The following BZW2 variants were observed in gnomAD, a reference collection of about 807,000 sequenced individuals.
The protein encoded by BZW2 is eIF5-mimic protein 1.
In BZW2, 23 loss-of-function variants were observed where a neutral mutation model predicts 53.2. That is an observed-to-expected ratio of 0.43 (90% confidence interval 0.31 to 0.61). The LOEUF is 0.61. BZW2 is among the 20% of genes least tolerant of loss of function. The probability of loss-of-function intolerance (pLI) is 0.09; values close to 1 mark genes in which losing one functional copy is unlikely to be tolerated. For synonymous variants in BZW2, 227 were observed against 186.4 expected, an observed-to-expected ratio of 1.22 and a Z score of -1.77; for missense variants, 409 against 503.1, an observed-to-expected ratio of 0.81 and a Z score of 1.79.
chr7:16,647,689 A>G (rs1781901434), intron 1 of BZW2, among the ~76,000 whole-genome samples: 1 of 152,220 alleles, frequency 6.6e-6, no homozygotes, highest in Non-Finnish European at 1.5e-5. Flanking sequence ...GAGAGTGACC[A>G]ATCTTTTGTA....
intron 5 of BZW2, among the ~76,000 whole-genome samples, chr7:16,685,135 G>C (rs1278841928): frequency 6.6e-6 from 1 of 152,228 alleles, no homozygotes. Context: ...AGTCAGGAGA[G>C]AGAAGGGCAT....
At position 16,695,059 on chromosome 7, in the gene BZW2, T is replaced by C. The variant is rs1783436480; in HGVS notation, c.822+55T>C. The C allele has an allele frequency of 2.1e-6, 3 of 1,449,874 alleles. No homozygotes were observed. In the South Asian group the frequency reaches 4.6e-5, roughly 22 times the overall value. 89.8% of individuals were successfully genotyped at this position (1,449,874 alleles called of 1,614,324 possible). A position where few individuals can be genotyped will look rare whatever the true frequency, so the allele number is the denominator to read the frequency against. ...ATACACATGAATGAGAGGAATTACA[T>C]GGGCTGTGTAGCAAAGGCTTTCCTT... On this transcript the variant is annotated intron_variant, in intron 8 of 11. Transcript: ENST00000258761.
chr7:16,665,330 C>A, intron 1 of BZW2, 107 bp from the exon 2 acceptor site: 1 of 1,292,720 alleles, frequency 7.7e-7, no homozygotes, highest in Non-Finnish European at 1.1e-6. Flanking sequence ...GAGGCATATT[C>A]AGTAATGAGT....
chr7:16,669,940 C>T (rs1782548899), intron 2 of BZW2, among the ~76,000 whole-genome samples: 1 of 152,200 alleles, frequency 6.6e-6, no homozygotes, highest in Admixed American at 6.5e-5. Context: ...TTCTGCTAGA[C>T]TGTCCTCTAA....
At chr7:16,692,061 T>C (rs1783326126) in intron 7 of BZW2, among the ~76,000 whole-genome samples, 1 of 152,208 alleles carries the variant, frequency 6.6e-6, no homozygotes, top group Admixed American at 6.5e-5. Flanking sequence ...TCAGTTCCAC[T>C]CTTTAGGAGG....
intron 10 of BZW2, among the ~76,000 whole-genome samples, chr7:16,701,445 A>G (rs1783664000): frequency 6.6e-6 from 1 of 152,098 alleles, no homozygotes. Context: ...TTCTAGTTCT[A>G]AAAAAGGGTG....
At chr7:16,662,091 T>C (rs706028) in intron 1 of BZW2, 98,522 of 151,860 alleles carry the variant, frequency 0.65, 33,495 homozygotes, top group African/African-American at 0.86. Flanking sequence ...TATAAGGGCT[T>C]AGTGAGTACC....
intron 1 of BZW2, among the ~76,000 whole-genome samples, chr7:16,656,081 A>ACG: frequency 6.6e-6 from 1 of 150,768 alleles, no homozygotes; most frequent in African/African-American, 2.4e-5. Flanking sequence ...AGTCATATAT[A>ACG]TGTGTGTGTG....
intron 3 of BZW2, among the ~76,000 whole-genome samples, chr7:16,677,176 A>T (rs1782792388): frequency 6.6e-6 from 1 of 151,766 alleles, no homozygotes; most frequent in African/African-American, 2.4e-5. Flanking sequence ...TATCCCAGTC[A>T]TTATCCTTCC....
chr7:16,698,516 C>T (rs1387508454), intron 10 of BZW2, among the ~76,000 whole-genome samples: 1 of 152,140 alleles, frequency 6.6e-6, no homozygotes, highest in Non-Finnish European at 1.5e-5. Context: ...GCTCTAATAA[C>T]AATGATTATC....
chr7:16,657,459 C>T (rs1782150483), intron 1 of BZW2, among the ~76,000 whole-genome samples: 1 of 152,120 alleles, frequency 6.6e-6, no homozygotes, highest in Admixed American at 6.6e-5. Flanking sequence ...TCCATTGATG[C>T]AATATCCTAA....
intron 1 of BZW2, among the ~76,000 whole-genome samples, chr7:16,663,570 C>T (rs1270499914): frequency 1.3e-5 from 2 of 151,840 alleles, no homozygotes; most frequent in African/African-American, 4.8e-5. Context: ...AAATTTGGTA[C>T]ATAAATAATT....
At chr7:16,690,982 G>C (rs1232747766) in intron 7 of BZW2, among the ~76,000 whole-genome samples, 1 of 152,174 alleles carries the variant, frequency 6.6e-6, no homozygotes, top group African/African-American at 2.4e-5. Context: ...GTGTGCAAGG[G>C]TCCAGTCCCA....
intron 1 of BZW2, among the ~76,000 whole-genome samples, chr7:16,652,049 C>G (rs1424029597): frequency 6.6e-6 from 1 of 152,136 alleles, no homozygotes; most frequent in Admixed American, 6.5e-5. Flanking sequence ...GGCCCCAACT[C>G]TTCCATGTAC....
At chr7:16,662,228 C>G (rs1782288396) in intron 1 of BZW2, 1 of 151,560 alleles carries the variant, frequency 6.6e-6, no homozygotes, top group Admixed American at 6.6e-5. Context: ...AGCAGAATAT[C>G]TTTATTTAGT....
At chr7:16,665,407 A>G (rs755876738) in intron 1 of BZW2, 30 bp from the exon 2 acceptor site, 3 of 1,613,818 alleles carry the variant, frequency 1.9e-6, no homozygotes, top group Non-Finnish European at 2.5e-6. Context: ...CTTATCTGAA[A>G]TACATAATCT....
intron 1 of BZW2, among the ~76,000 whole-genome samples, chr7:16,662,520 G>C (rs1426626287): frequency 6.6e-6 from 1 of 152,032 alleles, no homozygotes; most frequent in Non-Finnish European, 1.5e-5. Flanking sequence ...GAAAAACAAG[G>C]TGCAAAGAGT....
At chr7:16,658,298 G>C (rs1047705622) in intron 1 of BZW2, among the ~76,000 whole-genome samples, 1 of 152,308 alleles carries the variant, frequency 6.6e-6, no homozygotes, top group South Asian at 2.1e-4. Flanking sequence ...GCTTCACTGA[G>C]ATAAAGTAAG....
intron 1 of BZW2, among the ~76,000 whole-genome samples, chr7:16,664,619 A>G (rs992291586): frequency 3.3e-5 from 5 of 152,238 alleles, no homozygotes; most frequent in Non-Finnish European, 7.3e-5. Flanking sequence ...AGGATCAGAA[A>G]TGTGGTACAG....
Sources: gnomAD v4.1 joint callset for allele counts (sites outside exome capture counted in the v4.1 genomes callset) on GRCh38, gnomAD v4.1.1 for gene constraint, MANE v1.5 for transcripts, NCBI Gene and HGNC (gene_info 2026-07-23, HGNC 2026-07-21) for gene names.